Variants in CDH13 observed in about 807,000 individuals in gnomAD.
The protein encoded by CDH13 is cadherin 13.
A neutral mutation model predicts 63.8 loss-of-function variants in CDH13; 24 were observed. That is an observed-to-expected ratio of 0.38 (90% CI 0.27 to 0.53). The LOEUF is 0.53. CDH13 is among the 20% of genes least tolerant of loss of function. The probability of loss-of-function intolerance (pLI) is 0.85; values close to 1 mark genes in which losing one functional copy is unlikely to be tolerated. For synonymous variants in CDH13, 503 were observed against 355.3 expected (o/e 1.42, Z -4.67); for missense variants, 1,049 against 903.1 (o/e 1.16, Z -2.07).
rs1047638293 is a variant in CDH13 at position 83,078,568 on chromosome 16, G to A, written c.366+46350G>A. 3.5e-4 allele frequency among the ~76,000 whole-genome samples: 53 copies of A among 152,296 alleles called. 1 individual carries two copies. Among genetic ancestry groups the A allele is most frequent in the Non-Finnish European group, 7.3e-5 (5 of 68,032 alleles). On this transcript the variant is annotated intron_variant, in intron 3 of 13. Transcript: ENST00000567109. ...GTCAGAGGCACATCTCCTGCTGTCC[G>A]GCCAGGTTCCTAACAGGCCACAGAC...
intron 7 of CDH13, among the ~76,000 whole-genome samples, chr16:83,533,195 G>A (rs1051051759): frequency 1.3e-5 from 2 of 152,172 alleles, no homozygotes; most frequent in African/African-American, 2.4e-5. Flanking sequence ...CTGGTGTCAC[G>A]CTGGAGAAGG....
intron 5 of CDH13, among the ~76,000 whole-genome samples, chr16:83,295,166 G>A (rs537069062): frequency 5.3e-5 from 8 of 152,164 alleles, no homozygotes; most frequent in South Asian, 4.1e-4. Context: ...TTGGGAAACC[G>A]CATATCCATA....
intron 4 of CDH13, among the ~76,000 whole-genome samples, chr16:83,125,893 G>T (rs55740221): frequency 6.6e-6 from 1 of 152,070 alleles, no homozygotes; most frequent in Non-Finnish European, 1.5e-5. Flanking sequence ...AGGTCTACGC[G>T]TACCACTGGG....
At chr16:83,504,793 T>G (rs923421) in intron 7 of CDH13, among the ~76,000 whole-genome samples, 81,558 of 151,996 alleles carry the variant, frequency 0.54, 22,636 homozygotes, top group East Asian at 0.83. Flanking sequence ...TTCAAGGAAT[T>G]TTTTTAAAAA....
intron 3 of CDH13, among the ~76,000 whole-genome samples, chr16:83,087,579 A>G (rs1009330201): frequency 6.8e-6 from 1 of 146,960 alleles, no homozygotes; most frequent in African/African-American, 2.5e-5. Flanking sequence ...GATGCAGCAG[A>G]CTCACTTGAA....
intron 10 of CDH13, among the ~76,000 whole-genome samples, chr16:83,698,181 G>A (rs1905674819): frequency 6.6e-6 from 1 of 152,240 alleles, no homozygotes; most frequent in Non-Finnish European, 1.5e-5. Context: ...AGGCTGTACT[G>A]TACAGGACTG....
At chr16:83,112,305 A>G (rs2035094756) in intron 3 of CDH13, among the ~76,000 whole-genome samples, 2 of 152,238 alleles carry the variant, frequency 1.3e-5, no homozygotes, top group African/African-American at 4.8e-5. Flanking sequence ...GCACTGTGTG[A>G]AGACATTCAG....
intron 2 of CDH13, among the ~76,000 whole-genome samples, chr16:82,869,290 C>T (rs1276197864): frequency 2.0e-5 from 3 of 152,004 alleles, no homozygotes; most frequent in Non-Finnish European, 1.5e-5. Flanking sequence ...AAACGATCGT[C>T]CTGATTCGAC....
chr16:83,455,437 CTGTT>C (rs1204330136), intron 6 of CDH13, among the ~76,000 whole-genome samples: 5 of 152,134 alleles, frequency 3.3e-5, no homozygotes, highest in Non-Finnish European at 5.9e-5. Flanking sequence ...TGCCGTGTCT[CTGTT>C]TGGTTTAGAA....
intron 1 of CDH13, among the ~76,000 whole-genome samples, chr16:82,737,963 G>A (rs1261544716): frequency 6.6e-6 from 1 of 152,104 alleles, no homozygotes; most frequent in East Asian, 1.9e-4. Flanking sequence ...TTGTTGATTT[G>A]TTTGTGGTAA....
intron 5 of CDH13, among the ~76,000 whole-genome samples, chr16:83,340,844 T>C (rs773901534): frequency 3.1e-4 from 47 of 152,200 alleles, no homozygotes; most frequent in Non-Finnish European, 5.9e-4. Context: ...CTGTCATTTG[T>C]TGAGTGCCCC....
In CDH13 at chr16:83,672,832, T is replaced by G. The variant is rs545845639; in HGVS notation, c.1284+1860T>G. Among the ~76,000 whole-genome samples, 32 of 152,338 alleles carry G rather than the reference T, an allele frequency of 2.1e-4. 2 individuals are homozygous for G. The South Asian group carries it at 6.0e-3, about 29-fold the overall frequency. ...GAGATGTCTATTTACCCAAGTTTTA[T>G]CTTCCAAACTTCAGGTCTGGAAAAT... On this transcript the variant is annotated intron_variant, in intron 9 of 13. Transcript: ENST00000567109.
chr16:83,719,417 C>T (rs945180270), intron 10 of CDH13, among the ~76,000 whole-genome samples: 5 of 151,948 alleles, frequency 3.3e-5, no homozygotes, highest in Non-Finnish European at 2.9e-5. Context: ...GGTTACGCCA[C>T]ACTCCACGTC....
At chr16:82,711,845 T>C (rs374181700) in intron 1 of CDH13, among the ~76,000 whole-genome samples, 1 of 152,354 alleles carries the variant, frequency 6.6e-6, no homozygotes, top group East Asian at 1.9e-4. Context: ...TTGTTTAATC[T>C]TCACAACGGT....
intron 6 of CDH13, among the ~76,000 whole-genome samples, chr16:83,374,574 A>T (rs1218416196): frequency 6.6e-6 from 1 of 152,246 alleles, no homozygotes; most frequent in Non-Finnish European, 1.5e-5. Flanking sequence ...CGTAAAGAAC[A>T]TCTGAGTTGG....
chr16:83,380,647 G>A (rs2091547846), intron 6 of CDH13, among the ~76,000 whole-genome samples: 1 of 152,080 alleles, frequency 6.6e-6, no homozygotes, highest in African/African-American at 2.4e-5. Context: ...TGCCCTCCAG[G>A]CCACTTCATG....
intron 7 of CDH13, among the ~76,000 whole-genome samples, chr16:83,542,697 G>C (rs543254360): frequency 6.6e-6 from 1 of 152,272 alleles, no homozygotes; most frequent in South Asian, 2.1e-4. Flanking sequence ...GGAGCTCTTT[G>C]GCTTGCAGAA....
intron 8 of CDH13, among the ~76,000 whole-genome samples, chr16:83,654,490 C>T (rs1912684912): frequency 6.6e-6 from 1 of 151,994 alleles, no homozygotes; most frequent in South Asian, 2.1e-4. Context: ...GGCAGCTTTG[C>T]AAGATGTCGG....
At chr16:82,714,332 A>AT (rs149383752) in intron 1 of CDH13, among the ~76,000 whole-genome samples, 2,207 of 152,302 alleles carry the variant, frequency 0.014, 65 homozygotes, top group African/African-American at 0.051. Flanking sequence ...ATGTAACACT[A>AT]TTTGGCAACA....
Sources: gnomAD v4.1 joint callset for allele counts (sites outside exome capture counted in the v4.1 genomes callset) on GRCh38, gnomAD v4.1.1 for gene constraint, MANE v1.5 for transcripts, NCBI Gene and HGNC (gene_info 2026-07-23, HGNC 2026-07-21) for gene names.